The following CD44 variants were observed in gnomAD, a reference collection of about 807,000 sequenced individuals.
CD44 encodes CD44 antigen.
A neutral mutation model predicts 88.8 loss-of-function variants in CD44; 49 were observed. The observed-to-expected ratio is 0.55, with a 90% CI of 0.44 to 0.70. The LOEUF (loss-of-function observed/expected upper bound fraction) is 0.70, where lower values mean the gene tolerates loss of function less well. Ranked by LOEUF, CD44 falls within the 30% of genes least tolerant of loss-of-function variation. The pLI is 0.00. For synonymous variants in CD44, 325 were observed against 312.3 expected (o/e 1.04, Z -0.43); for missense variants, 883 against 913.8 (o/e 0.97, Z 0.43).
intron 1 of CD44, among the ~76,000 whole-genome samples, chr11:35,156,904 T>G (rs1296392196): frequency 1.3e-5 from 2 of 152,194 alleles, no homozygotes; most frequent in African/African-American, 4.8e-5. Context: ...CATGGTGGCA[T>G]GCACCTGTAG....
chr11:35,166,384 C>G (rs1271455724), intron 1 of CD44, among the ~76,000 whole-genome samples: 2 of 151,834 alleles, frequency 1.3e-5, no homozygotes, highest in South Asian at 2.1e-4. Context: ...GATCCAGGAC[C>G]AGGAGTGGGG....
At chr11:35,219,853 T>C (rs1242778338) in intron 16 of CD44, among the ~76,000 whole-genome samples, 5 of 148,522 alleles carry the variant, frequency 3.4e-5, no homozygotes, top group Non-Finnish European at 7.5e-5. Flanking sequence ...TTTCTTTTGG[T>C]TCCCCAACTA....
intron 5 of CD44, among the ~76,000 whole-genome samples, chr11:35,192,175 A>G (rs1946330899): frequency 6.6e-6 from 1 of 152,196 alleles, no homozygotes; most frequent in Non-Finnish European, 1.5e-5. Context: ...TTCAGCAGCT[A>G]AAAAAGAAAG....
chr11:35,185,412 A>G (rs2133822446), intron 3 of CD44, among the ~76,000 whole-genome samples: 1 of 152,336 alleles, frequency 6.6e-6, no homozygotes, highest in Admixed American at 6.5e-5. Flanking sequence ...ATCTGTGGGA[A>G]AAGATGCTCC....
rs912234310 is a variant in CD44 at position 35,147,133 on chromosome 11, T to A, written c.67+7763T>A. Among the ~76,000 whole-genome samples, 22 of 152,332 alleles carry A rather than the reference T, an allele frequency of 1.4e-4. No individual in the cohort carries two copies. The East Asian group carries it at 4.2e-3, about 29-fold the overall frequency. On this transcript the variant is annotated intron_variant, in intron 1 of 17. Coordinates refer to ENST00000428726, the MANE Select transcript of CD44 (RefSeq NM_000610.4). ...CATTATCACTTCATTATTTGTCACC[T>A]GGATGAAAGGTAAAGGTGGCTGATT...
In CD44 at chr11:35,183,850, A is replaced by G. The variant is rs558776104; in HGVS notation, c.368-2982A>G. On this transcript the variant is annotated intron_variant, in intron 3 of 17. Transcript: ENST00000428726. ...AGGGTAGAATTAAAGGGAAGATTCT[A>G]CATGTACTTGTTTATCCATTTCCTC... Among the ~76,000 whole-genome samples the G allele has an allele frequency of 4.6e-5, 7 of 152,310 alleles. No homozygotes were observed. The South Asian group carries it at 1.2e-3, about 27-fold the overall frequency.
At chr11:35,220,136 G>A (rs949666827) in intron 16 of CD44, among the ~76,000 whole-genome samples, 1 of 152,198 alleles carries the variant, frequency 6.6e-6, no homozygotes, top group Non-Finnish European at 1.5e-5. Flanking sequence ...AGAGAAGAAT[G>A]TGGCATGCAC....
chr11:35,196,327 A>G (rs1255009159), intron 5 of CD44, among the ~76,000 whole-genome samples: 1 of 152,158 alleles, frequency 6.6e-6, no homozygotes, highest in Non-Finnish European at 1.5e-5. Flanking sequence ...AATTTTCACC[A>G]CAGATCCTAA....
chr11:35,151,806 T>C (rs1860377994), intron 1 of CD44, among the ~76,000 whole-genome samples: 1 of 152,230 alleles, frequency 6.6e-6, no homozygotes, highest in African/African-American at 2.4e-5. Flanking sequence ...AAAAGCAGTC[T>C]CTTGCCCAGA....
intron 6 of CD44, chr11:35,197,767 T>C (rs1946903973): frequency 5.5e-6 from 1 of 181,778 alleles, no homozygotes; most frequent in African/African-American, 2.4e-5. Flanking sequence ...CATTCTGTTC[T>C]TGATGGCTTG....
At chr11:35,179,062 GAGGC>G (rs1944738686) in intron 2 of CD44, among the ~76,000 whole-genome samples, 1 of 152,180 alleles carries the variant, frequency 6.6e-6, no homozygotes, top group Non-Finnish European at 1.5e-5. Context: ...CCAAGCTAAG[GAGGC>G]TTTGGGGAAA....
At chr11:35,177,342 A>G (rs1288305098) in intron 2 of CD44, among the ~76,000 whole-genome samples, 1 of 152,224 alleles carries the variant, frequency 6.6e-6, no homozygotes, top group East Asian at 1.9e-4. Flanking sequence ...TCCTCAAACT[A>G]TGGCTCCAAG....
chr11:35,185,011 G>T (rs1303706550), intron 3 of CD44, among the ~76,000 whole-genome samples: 4 of 152,112 alleles, frequency 2.6e-5, no homozygotes, highest in African/African-American at 9.7e-5. Flanking sequence ...GACAGATAAA[G>T]TTATTACTCA....
intron 1 of CD44, among the ~76,000 whole-genome samples, chr11:35,142,087 T>C (rs1299542214): frequency 6.6e-6 from 1 of 152,102 alleles, no homozygotes; most frequent in Non-Finnish European, 1.5e-5. Context: ...ATTCGGGGTC[T>C]TGTGCAGGAG....
chr11:35,198,319 T>G, intron 7 of CD44, 73 bp downstream of exon 7: 2 of 1,447,936 alleles, frequency 1.4e-6, no homozygotes, highest in Admixed American at 1.8e-5. Context: ...CCAAATTGTA[T>G]CTCTCTTGAG....
chr11:35,159,355 A>G (rs778578934), intron 1 of CD44, among the ~76,000 whole-genome samples: 2 of 152,190 alleles, frequency 1.3e-5, no homozygotes, highest in Non-Finnish European at 1.5e-5. Context: ...TTTTAATAGG[A>G]GTATTTACAT....
At chr11:35,175,522 A>G (rs959868421) in intron 1 of CD44, among the ~76,000 whole-genome samples, 1 of 152,346 alleles carries the variant, frequency 6.6e-6, no homozygotes, top group Non-Finnish European at 1.5e-5. Context: ...ACGTGTGTGC[A>G]TGTGTGCACG....
At chr11:35,186,809 A>G in intron 3 of CD44, 23 bp from the exon 4 acceptor site, 3 of 1,476,706 alleles carry the variant, frequency 2.0e-6, no homozygotes, top group East Asian at 2.3e-5. Context: ...AAGGGTTCTC[A>G]TCCTTTTTTT....
intron 12 of CD44, among the ~76,000 whole-genome samples, chr11:35,208,588 G>A (rs1364086221): frequency 6.6e-6 from 1 of 152,160 alleles, no homozygotes; most frequent in Non-Finnish European, 1.5e-5. Flanking sequence ...AAGAGGGGTA[G>A]GATTGCTTGC....
Sources: allele counts gnomAD v4.1 joint callset (sites outside exome capture counted in the v4.1 genomes callset), GRCh38; gene constraint gnomAD v4.1.1; transcripts MANE v1.5; gene names NCBI Gene and HGNC (gene_info 2026-07-23, HGNC 2026-07-21).